ARHGAP24: variants seen among roughly 807,000 people sequenced by gnomAD.
The protein encoded by ARHGAP24 is rho GTPase-activating protein 24.
Under a neutral mutation model 76.4 loss-of-function variants are expected in ARHGAP24, and 50 were observed. The ratio of observed to expected loss-of-function variants is 0.65; its 90% CI spans 0.52 to 0.83. The LOEUF is 0.83. Among genes scored for constraint, ARHGAP24 ranks in the 40% least tolerant of loss-of-function variants. The probability of loss-of-function intolerance (pLI) is 0.00; values close to 1 mark genes in which losing one functional copy is unlikely to be tolerated. For missense variants in ARHGAP24, 930 were observed against 914.2 expected (o/e 1.02, Z -0.22); for synonymous variants, 345 against 323.3 (o/e 1.07, Z -0.72).
intron 3 of ARHGAP24, among the ~76,000 whole-genome samples, chr4:85,899,349 G>GTGC (rs1330296539): frequency 6.6e-6 from 1 of 152,180 alleles, no homozygotes; most frequent in African/African-American, 2.4e-5. Flanking sequence ...CAGTTAATCA[G>GTGC]TAAATGACTT....
chr4:85,926,896 C>T (rs1736050676), intron 4 of ARHGAP24, among the ~76,000 whole-genome samples: 1 of 152,134 alleles, frequency 6.6e-6, no homozygotes, highest in Admixed American at 6.5e-5. Context: ...TGATCTATTA[C>T]TTCTACTGTG....
At chr4:85,610,115 GC>G (rs1290823803) in intron 2 of ARHGAP24, among the ~76,000 whole-genome samples, 1 of 152,114 alleles carries the variant, frequency 6.6e-6, no homozygotes, top group Non-Finnish European at 1.5e-5. Context: ...CTCAGGTCTA[GC>G]AGAGCGTTTG....
chr4:85,557,008 G>C (rs1311652773), intron 1 of ARHGAP24, among the ~76,000 whole-genome samples: 1 of 152,154 alleles, frequency 6.6e-6, no homozygotes, highest in Admixed American at 6.5e-5. Flanking sequence ...CTCTGCCGGG[G>C]GTCTGGGAGA....
intron 2 of ARHGAP24, among the ~76,000 whole-genome samples, chr4:85,612,083 T>TACACAC (rs34030905): frequency 0.061 from 8,818 of 143,690 alleles, 499 homozygotes; most frequent in African/African-American, 0.15. Context: ...TTCATTACAT[T>TACACAC]ACACACACAC....
At chr4:85,519,814 A>AG (rs11396708) in intron 1 of ARHGAP24, among the ~76,000 whole-genome samples, 67,380 of 151,900 alleles carry the variant, frequency 0.44, 16,542 homozygotes, top group East Asian at 0.84. Flanking sequence ...GCTACCTCTT[A>AG]TCTTGTTCAT....
In ARHGAP24 at chr4:85,994,732, A is replaced by C. The variant is rs1740542603; in HGVS notation, c.1078A>C (p.Asn360His). ...QKKATMGQLQ[N>H]KENNNTKDSP... The stretch of plus-strand genomic sequence containing the variant: ...GAAAGCCACCATGGGGCAGTTACAG[A>C]ACAAGGAGAACAATAACACCAAGGA... Residue 360 changes from asparagine to histidine, a missense_variant, in exon 9 of 10, where the codon AAC (asparagine) becomes CAC (histidine). Coordinates refer to ENST00000395184, the MANE Select transcript of ARHGAP24 (RefSeq NM_001025616.3). The C allele has an allele frequency of 6.2e-7, 1 of 1,614,016 alleles. No individual in the cohort carries two copies. The highest frequency in any genetic ancestry group is 8.5e-7 in the Non-Finnish European group (1 of 1,180,034).
intron 1 of ARHGAP24, among the ~76,000 whole-genome samples, chr4:85,519,931 G>A (rs1392635921): frequency 1.3e-5 from 2 of 152,096 alleles, no homozygotes; most frequent in African/African-American, 2.4e-5. Flanking sequence ...AAATATTTCT[G>A]TTCAGATGAG....
chr4:85,508,938 T>A (rs1286093788), intron 1 of ARHGAP24, among the ~76,000 whole-genome samples: 2 of 152,074 alleles, frequency 1.3e-5, no homozygotes, highest in Non-Finnish European at 2.9e-5. Context: ...GAGTCTTGCT[T>A]ATCAGGTCTG....
intron 3 of ARHGAP24, among the ~76,000 whole-genome samples, chr4:85,738,503 C>T (rs1177194597): frequency 6.6e-6 from 1 of 151,086 alleles, no homozygotes; most frequent in Non-Finnish European, 1.5e-5. Flanking sequence ...TTCTCCTATC[C>T]CATGAGTTGT....
At chr4:85,722,605 A>G (rs1456811690) in intron 3 of ARHGAP24, 2 of 155,922 alleles carry the variant, frequency 1.3e-5, no homozygotes, top group Non-Finnish European at 2.9e-5. Flanking sequence ...ATCTGTATTC[A>G]TTCCTCTTAG....
At chr4:85,607,773 TAGCCCAGG>T (rs575333920) in intron 2 of ARHGAP24, among the ~76,000 whole-genome samples, 36,258 of 145,118 alleles carry the variant, frequency 0.25, 4,546 homozygotes, top group East Asian at 0.72. Context: ...CTTCCTCATT[TAGCCCAGG>T]TGTTGGAGCC....
At chr4:85,866,274 C>A (rs1256523136) in intron 3 of ARHGAP24, among the ~76,000 whole-genome samples, 1 of 152,084 alleles carries the variant, frequency 6.6e-6, no homozygotes, top group African/African-American at 2.4e-5. Flanking sequence ...TCTTCAGAAA[C>A]CTAGAATAAC....
At chr4:85,953,913 A>G (rs1350611629) in intron 5 of ARHGAP24, among the ~76,000 whole-genome samples, 1 of 152,192 alleles carries the variant, frequency 6.6e-6, no homozygotes, top group Non-Finnish European at 1.5e-5. Flanking sequence ...CCTCCAAGGC[A>G]AAAAGCTGGG....
chr4:85,574,396 G>A (rs1021113332), intron 2 of ARHGAP24, among the ~76,000 whole-genome samples: 1 of 152,214 alleles, frequency 6.6e-6, no homozygotes, highest in Admixed American at 6.5e-5. Flanking sequence ...CTTGGGAAGG[G>A]CTGCATAAGG....
intron 3 of ARHGAP24, 58 bp from the exon 4 acceptor site, chr4:85,923,590 C>CTGAT: frequency 6.2e-7 from 1 of 1,610,154 alleles, no homozygotes; most frequent in Non-Finnish European, 8.5e-7. Context: ...CTTCTGGAGG[C>CTGAT]TGATCATGAG....
intron 3 of ARHGAP24, among the ~76,000 whole-genome samples, chr4:85,845,339 G>A (rs757863277): frequency 1.3e-5 from 2 of 152,066 alleles, no homozygotes; most frequent in African/African-American, 2.4e-5. Flanking sequence ...AGTCCTAGAG[G>A]TTGTCACTAC....
intron 3 of ARHGAP24, among the ~76,000 whole-genome samples, chr4:85,845,714 A>G (rs756604585): frequency 6.6e-6 from 1 of 152,126 alleles, no homozygotes; most frequent in Non-Finnish European, 1.5e-5. Flanking sequence ...CTGATTATGG[A>G]TTGGAAACTC....
chr4:85,632,746 G>T (rs1433950038), intron 2 of ARHGAP24, among the ~76,000 whole-genome samples: 1 of 151,902 alleles, frequency 6.6e-6, no homozygotes, highest in Non-Finnish European at 1.5e-5. Context: ...ATTTTGCTTT[G>T]CAATTGCAAT....
chr4:85,618,816 A>G (rs1300140988), intron 2 of ARHGAP24, among the ~76,000 whole-genome samples: 1 of 151,880 alleles, frequency 6.6e-6, no homozygotes, highest in South Asian at 2.1e-4. Flanking sequence ...CCCGTTTTTA[A>G]TTGAGTAATT....
Sources: gnomAD v4.1 joint callset for allele counts (sites outside exome capture counted in the v4.1 genomes callset) on GRCh38, gnomAD v4.1.1 for gene constraint, MANE v1.5 for transcripts, NCBI Gene and HGNC (gene_info 2026-07-23, HGNC 2026-07-21) for gene names.